The following ZFYVE9 variants were observed in gnomAD, a reference collection of about 807,000 sequenced individuals.
ZFYVE9 encodes the protein zinc finger FYVE domain-containing protein 9.
In ZFYVE9, 43 loss-of-function variants were observed where a neutral mutation model predicts 126.7. The ratio of observed to expected loss-of-function variants is 0.34; its 90% CI spans 0.27 to 0.44. The LOEUF (loss-of-function observed/expected upper bound fraction) is 0.44. Ranked by LOEUF, ZFYVE9 falls within the 20% of genes least tolerant of loss-of-function variation. The probability of loss-of-function intolerance (pLI) is 1.00; values close to 1 mark genes in which losing one functional copy is unlikely to be tolerated. For missense variants in ZFYVE9, 1,476 were observed against 1,697.0 expected, an observed-to-expected ratio of 0.87 and a Z score of 2.29; for synonymous variants, 521 against 597.4, an observed-to-expected ratio of 0.87 and a Z score of 1.87.
intron 1 of ZFYVE9, among the ~76,000 whole-genome samples, chr1:52,154,482 G>A (rs1364413926): frequency 6.6e-6 from 1 of 152,192 alleles, no homozygotes; most frequent in African/African-American, 2.4e-5. Flanking sequence ...CTGGGTGACC[G>A]ATGTCAGCTA....
At position 52,239,548 on chromosome 1, in the gene ZFYVE9, A is replaced by G. The variant is rs752914815; in HGVS notation, c.2131A>G (p.Arg711Gly). The change falls in exon 4 of 19, where the codon AGG becomes GGG. Residue 711 changes from arginine to glycine, a missense_variant. Physicochemically the swap from Arg to Gly is moderately radical, Grantham distance 125. This residue lies in a region of ZFYVE9 where 669 missense variants were observed against 902.4 expected (regional missense o/e 0.74). Coordinates refer to ENST00000287727, the MANE Select transcript of ZFYVE9 (RefSeq NM_004799.4). Reference sequence around the variant, plus strand: ...TCCAAATTGCATGAAATGTGAAGCCAGGTTTACATTCACCAAAAGGAGGCA... The same window carrying G: ...TCCAAATTGCATGAAATGTGAAGCCGGGTTTACATTCACCAAAAGGAGGCA... The part of the protein sequence containing the change: ...QAPNCMKCEA[R>G]FTFTKRRHHC... 1.9e-6 allele frequency: 3 copies of G among 1,614,086 alleles called. No homozygotes were observed. Among genetic ancestry groups the G allele is most frequent in the South Asian group, 1.1e-5 (1 of 91,078 alleles).
At position 52,274,514 on chromosome 1, in the gene ZFYVE9, T is replaced by G. The variant is rs1261159016; in HGVS notation, c.2676T>G (p.Val892=). 1 of 1,612,970 alleles carries G rather than the reference T, an allele frequency of 6.2e-7. No homozygotes were observed. The highest frequency in any genetic ancestry group is 1.7e-5 in the Admixed American group (1 of 60,024). ...SGSITQVGSP[V]GSAMNLIPED... is the part of the protein sequence containing the mutation. ...GTATAACTCAGGTTGGAAGTCCTGT[T>G]GGAAGTGCAATGAATCTTATTCCTG... Residue 892 remains valine, a synonymous_variant, in exon 8 of 19, where the codon GTT becomes GTG. Transcript: ENST00000287727.
At chr1:52,145,826 A>G (rs562020156) in intron 1 of ZFYVE9, among the ~76,000 whole-genome samples, 25 of 152,170 alleles carry the variant, frequency 1.6e-4, no homozygotes, top group African/African-American at 6.0e-4. Context: ...CGATTTTAGT[A>G]TGTTTTCCAT....
chr1:52,255,964 TTTTCTTTC>T lies in ZFYVE9; in HGVS notation c.2179-7796_2179-7789del, dbSNP rs1323951883. Reference sequence around the variant, plus strand: ...TTTTCTTTTCTTTTCTTTTCTTTTCTTTTCTTTCTTTCTTTCTTTCCTTCCTTCCTTCC... The same window carrying T: ...TTTTCTTTTCTTTTCTTTTCTTTTCTTTTCTTTCTTTCCTTCCTTCCTTCC... On this transcript the variant is annotated intron_variant, in intron 4 of 18. Transcript: ENST00000287727. Among the ~76,000 whole-genome samples the T allele has an allele frequency of 2.6e-3, 179 of 68,546 alleles. 3 individuals are homozygous for T. The highest frequency in any genetic ancestry group is 0.015 in the African/African-American group (171 of 11,080). The allele number at this position is 68,546 out of a possible 152,430, so 45.0% of individuals were successfully genotyped here. A position where few individuals can be genotyped will look rare whatever the true frequency, so the allele number is the denominator to read the frequency against.
intron 13 of ZFYVE9, among the ~76,000 whole-genome samples, chr1:52,323,877 C>A (rs993183903): frequency 5.4e-5 from 8 of 147,464 alleles, no homozygotes; most frequent in Non-Finnish European, 1.2e-4. Context: ...CGTGGTGAAA[C>A]CCCGTCTCTA....
At chr1:52,306,992 G>A (rs1646091211) in intron 13 of ZFYVE9, among the ~76,000 whole-genome samples, 1 of 152,196 alleles carries the variant, frequency 6.6e-6, no homozygotes, top group African/African-American at 2.4e-5. Context: ...GCCAGGCTGA[G>A]TGGCCGGAAC....
At chr1:52,191,775 A>C (rs778137590) in intron 1 of ZFYVE9, among the ~76,000 whole-genome samples, 1 of 152,218 alleles carries the variant, frequency 6.6e-6, no homozygotes, top group Non-Finnish European at 1.5e-5. Context: ...CTGTAAGGCT[A>C]GATCACCAAG....
intron 8 of ZFYVE9, among the ~76,000 whole-genome samples, chr1:52,276,870 A>G (rs778997594): frequency 2.6e-5 from 4 of 152,326 alleles, no homozygotes; most frequent in Non-Finnish European, 2.9e-5. Context: ...CACTTAGACT[A>G]TGAAATTCTT....
intron 15 of ZFYVE9, among the ~76,000 whole-genome samples, chr1:52,336,032 G>A (rs1646385284): frequency 6.6e-6 from 1 of 152,078 alleles, no homozygotes; most frequent in Non-Finnish European, 1.5e-5. Flanking sequence ...TACTTGGGAG[G>A]CTGAGGCAGG....
intron 14 of ZFYVE9, among the ~76,000 whole-genome samples, chr1:52,333,996 G>A (rs1646367671): frequency 6.6e-6 from 1 of 152,016 alleles, no homozygotes. Flanking sequence ...GGGAGGCTGA[G>A]GCAGGAGAAT....
intron 1 of ZFYVE9, among the ~76,000 whole-genome samples, chr1:52,145,384 C>T (rs928158416): frequency 1.3e-5 from 2 of 152,168 alleles, no homozygotes; most frequent in Admixed American, 1.3e-4. Flanking sequence ...AGGCACAAAG[C>T]TTGTTTAAAA....
intron 1 of ZFYVE9, among the ~76,000 whole-genome samples, chr1:52,158,566 C>T (rs1165776615): frequency 6.6e-6 from 1 of 152,202 alleles, no homozygotes; most frequent in Non-Finnish European, 1.5e-5. Context: ...AAATCAGGAT[C>T]CTGACCTTGG....
intron 7 of ZFYVE9, among the ~76,000 whole-genome samples, chr1:52,269,075 T>A (rs944116497): frequency 6.6e-6 from 1 of 152,202 alleles, no homozygotes; most frequent in Non-Finnish European, 1.5e-5. Flanking sequence ...TTACACTTGT[T>A]GAACCTACAC....
chr1:52,301,291 C>CTT (rs527599525), intron 12 of ZFYVE9, among the ~76,000 whole-genome samples: 752 of 72,640 alleles, frequency 0.01, 126 homozygotes, highest in Non-Finnish European at 0.013. Flanking sequence ...CTTTTTCCAT[C>CTT]TTTTTTTTTT....
At chr1:52,228,489 A>G (rs983077207) in intron 2 of ZFYVE9, among the ~76,000 whole-genome samples, 4 of 152,234 alleles carry the variant, frequency 2.6e-5, no homozygotes, top group Non-Finnish European at 5.9e-5. Context: ...AGAACAATTA[A>G]GACCCATATA....
intron 8 of ZFYVE9, among the ~76,000 whole-genome samples, chr1:52,276,080 G>GT (rs1645745663): frequency 6.6e-6 from 1 of 151,738 alleles, no homozygotes; most frequent in South Asian, 2.1e-4. Flanking sequence ...GCTAATTGTT[G>GT]TATTTTTAGT....
chr1:52,252,693 A>G (rs1645462781), intron 4 of ZFYVE9: 3 of 403,970 alleles, frequency 7.4e-6, no homozygotes, highest in South Asian at 5.7e-5. Flanking sequence ...CACATGCCTT[A>G]TATAAGGGTT....
intron 4 of ZFYVE9, among the ~76,000 whole-genome samples, chr1:52,256,043 TTC>T (rs58313402): frequency 0.77 from 102,446 of 133,108 alleles, 40,455 homozygotes; most frequent in East Asian, 0.98. Context: ...CTTTCTTTCT[TTC>T]TCTCTCTCTC....
At chr1:52,211,796 T>G (rs1645031007) in intron 1 of ZFYVE9, among the ~76,000 whole-genome samples, 1 of 152,218 alleles carries the variant, frequency 6.6e-6, no homozygotes, top group African/African-American at 2.4e-5. Context: ...TTCAAACATA[T>G]CATCATTTTA....
Sources: gnomAD v4.1 joint callset for allele counts (sites outside exome capture counted in the v4.1 genomes callset) on GRCh38, gnomAD v4.1.1 for gene constraint, gnomAD v4.1.1 regional missense constraint, MANE v1.5 for transcripts, NCBI Gene and HGNC (gene_info 2026-07-23, HGNC 2026-07-21) for gene names.